The following ANKS1B variants were observed in gnomAD, a reference collection of about 807,000 sequenced individuals.
The protein encoded by ANKS1B is ankyrin repeat and sterile alpha motif domain-containing protein 1B.
Under a neutral mutation model 148.3 loss-of-function variants are expected in ANKS1B, and 36 were observed. The ratio of observed to expected loss-of-function variants is 0.24; its 90% CI spans 0.19 to 0.32. The LOEUF is 0.32. Among genes scored for constraint, ANKS1B ranks in the 10% least tolerant of loss-of-function variants. The probability of loss-of-function intolerance (pLI) is 1.00; values close to 1 mark genes in which losing one functional copy is unlikely to be tolerated. For missense variants in ANKS1B, 1,157 were observed against 1,542.6 expected (o/e 0.75, Z 4.19); for synonymous variants, 542 against 560.8 (o/e 0.97, Z 0.47).
intron 3 of ANKS1B, among the ~76,000 whole-genome samples, chr12:99,810,452 C>T (rs1209133467): frequency 6.6e-6 from 1 of 151,730 alleles, no homozygotes. Flanking sequence ...AATCCTACAT[C>T]AAAAAATTTA....
At chr12:99,652,560 C>T (rs953635308) in intron 9 of ANKS1B, among the ~76,000 whole-genome samples, 1 of 151,448 alleles carries the variant, frequency 6.6e-6, no homozygotes, top group Non-Finnish European at 1.5e-5. Flanking sequence ...TAAAAAAAAA[C>T]ACCCAAAACC....
At chr12:99,823,395 T>C (rs1459165641) in intron 2 of ANKS1B, among the ~76,000 whole-genome samples, 1 of 152,162 alleles carries the variant, frequency 6.6e-6, no homozygotes, top group Admixed American at 6.6e-5. Context: ...AACCTCTGCC[T>C]CCAGGGTTCA....
intron 12 of ANKS1B, among the ~76,000 whole-genome samples, chr12:99,313,814 T>C (rs543254443): frequency 1.3e-5 from 2 of 152,218 alleles, no homozygotes; most frequent in African/African-American, 2.4e-5. Context: ...CAATATCATA[T>C]TGAATGGGCA....
At chr12:99,388,763 T>A (rs2093963745) in intron 12 of ANKS1B, among the ~76,000 whole-genome samples, 1 of 152,174 alleles carries the variant, frequency 6.6e-6, no homozygotes, top group Non-Finnish European at 1.5e-5. Context: ...CCAATTTGCT[T>A]CCTTGCAGCT....
At chr12:99,333,780 C>T (rs1251113994) in intron 12 of ANKS1B, among the ~76,000 whole-genome samples, 1 of 150,380 alleles carries the variant, frequency 6.6e-6, no homozygotes, top group Non-Finnish European at 1.5e-5. Context: ...TCTAGTCCCA[C>T]ATTTTTTTCA....
chr12:99,894,521 A>AG (rs34503284), intron 1 of ANKS1B, among the ~76,000 whole-genome samples: 1 of 145,386 alleles, frequency 6.9e-6, no homozygotes, highest in African/African-American at 2.5e-5. Flanking sequence ...AAAAAAAAAA[A>AG]AAAAAAAAAC....
At chr12:99,438,188 G>C (rs981874440) in intron 11 of ANKS1B, among the ~76,000 whole-genome samples, 1 of 151,554 alleles carries the variant, frequency 6.6e-6, no homozygotes, top group Non-Finnish European at 1.5e-5. Context: ...TTAAGTTCCT[G>C]GTTCTCAACT....
intron 9 of ANKS1B, among the ~76,000 whole-genome samples, chr12:99,519,065 C>T (rs952990905): frequency 1.3e-5 from 2 of 151,798 alleles, no homozygotes; most frequent in Admixed American, 6.6e-5. Context: ...TATATTTATT[C>T]CATTTTGGCC....
chr12:98,758,211 G>A (rs1468105403), intron 25 of ANKS1B, among the ~76,000 whole-genome samples: 1 of 151,906 alleles, frequency 6.6e-6, no homozygotes, highest in Non-Finnish European at 1.5e-5. Context: ...TATGCCGTAG[G>A]TCTATTACTT....
At chr12:99,575,629 G>C (rs1018510950) in intron 9 of ANKS1B, among the ~76,000 whole-genome samples, 2 of 151,982 alleles carry the variant, frequency 1.3e-5, no homozygotes, top group African/African-American at 4.8e-5. Context: ...ATCAGATCTC[G>C]TGAGACTTAT....
chr12:99,930,779 G>A (rs1320154207), intron 1 of ANKS1B, among the ~76,000 whole-genome samples: 1 of 152,228 alleles, frequency 6.6e-6, no homozygotes, highest in Non-Finnish European at 1.5e-5. Flanking sequence ...GTGGAAGTCA[G>A]TGTGGTGATT....
chr12:99,036,795 TG>T (rs1200138005), intron 17 of ANKS1B, among the ~76,000 whole-genome samples: 2 of 152,190 alleles, frequency 1.3e-5, no homozygotes, highest in Non-Finnish European at 2.9e-5. Flanking sequence ...GCTTTGTTAC[TG>T]CAATATATGA....
At chr12:99,956,951 A>C (rs1050565349) in intron 1 of ANKS1B, among the ~76,000 whole-genome samples, 1 of 152,348 alleles carries the variant, frequency 6.6e-6, no homozygotes, top group African/African-American at 2.4e-5. Flanking sequence ...TGCTGCACTG[A>C]GATATCAGAT....
chr12:99,725,434 A>C (rs1256241430), intron 8 of ANKS1B, among the ~76,000 whole-genome samples: 1 of 152,258 alleles, frequency 6.6e-6, no homozygotes, highest in Non-Finnish European at 1.5e-5. Flanking sequence ...TAAAGGGATC[A>C]ATTCAACAAG....
chr12:98,988,443 T>G (rs1011501498), intron 17 of ANKS1B, among the ~76,000 whole-genome samples: 5 of 152,158 alleles, frequency 3.3e-5, no homozygotes, highest in African/African-American at 9.7e-5. Flanking sequence ...TTTCCCTTAT[T>G]TTTTTATGGA....
intron 10 of ANKS1B, among the ~76,000 whole-genome samples, chr12:99,500,447 G>A (rs1362218585): frequency 6.6e-6 from 1 of 152,100 alleles, no homozygotes; most frequent in Non-Finnish European, 1.5e-5. Flanking sequence ...AGCCATATGA[G>A]CTGGCCATCT....
chr12:98,965,738 A>G (rs1442276562), intron 17 of ANKS1B, among the ~76,000 whole-genome samples: 1 of 152,218 alleles, frequency 6.6e-6, no homozygotes, highest in Non-Finnish European at 1.5e-5. Flanking sequence ...CTCAGAAATA[A>G]TACCACATAT....
chr12:99,465,638 C>A (rs1026734317), intron 10 of ANKS1B, among the ~76,000 whole-genome samples: 3 of 152,056 alleles, frequency 2.0e-5, no homozygotes, highest in African/African-American at 7.2e-5. Flanking sequence ...GAAGGGGTTG[C>A]AATCCTAGTC....
intron 1 of ANKS1B, among the ~76,000 whole-genome samples, chr12:99,851,379 C>G (rs1305813028): frequency 6.6e-6 from 1 of 152,030 alleles, no homozygotes; most frequent in Non-Finnish European, 1.5e-5. Context: ...TGCCCTACCC[C>G]CACCTGATCA....
Sources: allele counts gnomAD v4.1 joint callset (sites outside exome capture counted in the v4.1 genomes callset), GRCh38; gene constraint gnomAD v4.1.1; transcripts MANE v1.5; gene names NCBI Gene and HGNC (gene_info 2026-07-23, HGNC 2026-07-21).